DNAH14: variants seen among roughly 807,000 people sequenced by gnomAD.
DNAH14 encodes dynein axonemal heavy chain 14, also known as axonemal beta dynein heavy chain 14.
In DNAH14, 478 loss-of-function variants were observed where a neutral mutation model predicts 520.9. That is an observed-to-expected ratio of 0.92 (90% CI 0.85 to 0.99). The LOEUF is 0.99. Among genes scored for constraint, DNAH14 ranks in the 50% least tolerant of loss-of-function variants. DNAH14 has a pLI of 0.00. For missense variants in DNAH14, 4,831 were observed against 5,234.5 expected (o/e 0.92, Z 2.38); for synonymous variants, 1,581 against 1,757.2 (o/e 0.90, Z 2.51).
At chr1:224,999,260 G>A (rs2063593262) in intron 8 of DNAH14, among the ~76,000 whole-genome samples, 1 of 152,058 alleles carries the variant, frequency 6.6e-6, no homozygotes, top group South Asian at 2.1e-4. Context: ...AGGCTGGAGT[G>A]CAATGGCAAG....
rs770926326 is a variant in DNAH14, at chr1:225,140,946, A to G, written c.4433A>G (p.Tyr1478Cys). The G allele has an allele frequency of 1.3e-6, 2 of 1,551,464 alleles. No homozygotes were observed. Among genetic ancestry groups the G allele is most frequent in the Non-Finnish European group, 1.7e-6 (2 of 1,146,900 alleles). ...KAILGALLIL[Y>C]VHCRDIVINL... Reference sequence around the variant, plus strand: ...ATACTAGGGGCATTGCTTATCCTTTATGTTCACTGCAGAGATATAGTGATA... The same window carrying G: ...ATACTAGGGGCATTGCTTATCCTTTGTGTTCACTGCAGAGATATAGTGATA... Residue 1478 changes from tyrosine (Y) to cysteine (C), a missense_variant, in exon 28 of 86, where the codon TAT becomes TGT. Physicochemically the swap from Tyr to Cys is radical, Grantham distance 194. Transcript: ENST00000682510.
chr1:225,220,941 T>G (rs769891693), intron 41 of DNAH14, among the ~76,000 whole-genome samples: 1 of 152,192 alleles, frequency 6.6e-6, no homozygotes, highest in Non-Finnish European at 1.5e-5. Flanking sequence ...AGCATGGTAC[T>G]GGTACCAAAA....
In DNAH14 at chr1:225,051,763, G is replaced by A. The variant is rs1217799682; in HGVS notation, c.2392G>A (p.Val798Ile). Reference sequence around the variant, plus strand: ...TATGAGCCACACCCTCATACAATCTGTAATTGAAAAAAAGAACAAAAATTT... The same window carrying A: ...TATGAGCCACACCCTCATACAATCTATAATTGAAAAAAAGAACAAAAATTT... ...IHMSHTLIQSVIEKKNKNLLE... is the reference protein window; with the variant it reads ...IHMSHTLIQSIIEKKNKNLLE... The change falls in exon 17 of 86, where the codon GTA becomes ATA. Residue 798 changes from valine (V) to isoleucine (I), a missense_variant. Physicochemically the swap from Val to Ile is conservative, Grantham distance 29. Coordinates refer to ENST00000682510, the MANE Select transcript of DNAH14 (RefSeq NM_001367479.1). 7 of 1,496,906 alleles carry A rather than the reference G, an allele frequency of 4.7e-6. No homozygotes were observed. The South Asian group carries it at 9.2e-5, about 20-fold the overall frequency. 92.7% of individuals were successfully genotyped at this position (1,496,906 alleles called of 1,614,324 possible). A position where few individuals can be genotyped will look rare whatever the true frequency, so the allele number is the denominator to read the frequency against.
intron 60 of DNAH14, among the ~76,000 whole-genome samples, chr1:225,314,251 G>A (rs766432287): frequency 5.9e-5 from 9 of 152,140 alleles, no homozygotes; most frequent in Non-Finnish European, 1.2e-4. Context: ...TCAGAGACGA[G>A]GATTGCAATC....
intron 73 of DNAH14, among the ~76,000 whole-genome samples, chr1:225,356,775 C>T (rs189627893): frequency 6.6e-6 from 1 of 152,210 alleles, no homozygotes; most frequent in East Asian, 1.9e-4. Context: ...TACCTTTTTG[C>T]ATTGCTTGAA....
At chr1:225,170,138 A>G (rs1020560943) in intron 36 of DNAH14, among the ~76,000 whole-genome samples, 1 of 152,200 alleles carries the variant, frequency 6.6e-6, no homozygotes, top group African/African-American at 2.4e-5. Flanking sequence ...ATGGAAAGGA[A>G]CAACCAGTAC....
chr1:225,304,044 C>T (rs1180805102), intron 57 of DNAH14, among the ~76,000 whole-genome samples: 3 of 152,132 alleles, frequency 2.0e-5, no homozygotes, highest in African/African-American at 7.2e-5. Context: ...TAAAAGTGAC[C>T]AGTGACTGGT....
chr1:225,382,320 T>C (rs1391313786), intron 81 of DNAH14, among the ~76,000 whole-genome samples: 1 of 152,202 alleles, frequency 6.6e-6, no homozygotes, highest in East Asian at 1.9e-4. Flanking sequence ...TGCAGCTACT[T>C]TGGAAATAGT....
chr1:225,100,553 C>T (rs1036035364), intron 22 of DNAH14, among the ~76,000 whole-genome samples, 160 bp from the exon 23 acceptor site: 5 of 152,110 alleles, frequency 3.3e-5, no homozygotes, highest in Admixed American at 3.3e-4. Context: ...ATCACTTGTA[C>T]ATAATAGGCA....
At position 225,043,769 on chromosome 1, in the gene DNAH14, G is replaced by C. The variant is rs2067691897; in HGVS notation, c.1794G>C (p.Glu598Asp). The C allele has an allele frequency of 4.1e-6, 6 of 1,467,864 alleles. No individual in the cohort carries two copies. The highest frequency in any genetic ancestry group is 1.7e-4 in the Middle Eastern group (1 of 5,756). 90.9% of individuals were successfully genotyped at this position (1,467,864 alleles called of 1,614,324 possible). Residue 598 changes from glutamate (E) to aspartate (D), a missense_variant, in exon 14 of 86, where the codon GAG becomes GAC. By Grantham distance (45) the Glu-to-Asp change is conservative (BLOSUM62 2). Transcript: ENST00000682510. ...ACACAGAAATTGAGACTGAGTTTGAGAATAAATACATGTATTATGAGTAAG... is the reference window on the plus strand; with the variant it reads ...ACACAGAAATTGAGACTGAGTTTGACAATAAATACATGTATTATGAGTAAG... ...ISDTEIETEF[E>D]NKYMYYEFPE...
At chr1:224,947,621 T>G (rs1294557549) in intron 1 of DNAH14, among the ~76,000 whole-genome samples, 1 of 152,142 alleles carries the variant, frequency 6.6e-6, no homozygotes, top group Non-Finnish European at 1.5e-5. Flanking sequence ...TTACTTTTTC[T>G]AACTTCTTAA....
chr1:224,970,368 G>A (rs1458219285), intron 7 of DNAH14, among the ~76,000 whole-genome samples: 1 of 152,052 alleles, frequency 6.6e-6, no homozygotes, highest in Non-Finnish European at 1.5e-5. Flanking sequence ...AACTTCATTG[G>A]CAATTTTAAT....
rs533467383 is a variant in DNAH14 at position 225,196,229 on chromosome 1, C to T, written c.5886+3318C>T. Among the ~76,000 whole-genome samples, 9 of 152,154 alleles carry T rather than the reference C, an allele frequency of 5.9e-5. No homozygotes were observed. In the East Asian group the frequency reaches 1.5e-3, roughly 26 times the overall value. Reference sequence around the variant, plus strand: ...TGTGTCATTCTTATGCCTTTGCATCCTCATAGCTTAGCTCCCCCTTATAAG... The same window carrying T: ...TGTGTCATTCTTATGCCTTTGCATCTTCATAGCTTAGCTCCCCCTTATAAG... On this transcript the variant is annotated intron_variant, in intron 38 of 85. Coordinates refer to ENST00000682510, the MANE Select transcript of DNAH14 (RefSeq NM_001367479.1).
At chr1:224,952,001 T>A (rs2060210963) in intron 1 of DNAH14, among the ~76,000 whole-genome samples, 1 of 152,236 alleles carries the variant, frequency 6.6e-6, no homozygotes, top group Admixed American at 6.5e-5. Context: ...TCTTAGTTGA[T>A]TTATCTGAAG....
intron 60 of DNAH14, among the ~76,000 whole-genome samples, chr1:225,311,157 G>A (rs2094356191): frequency 6.6e-6 from 1 of 152,116 alleles, no homozygotes; most frequent in African/African-American, 2.4e-5. Context: ...GCATGAGATG[G>A]TATCTCATTG....
intron 21 of DNAH14, among the ~76,000 whole-genome samples, chr1:225,089,851 C>T (rs1206677357): frequency 2.6e-5 from 4 of 152,068 alleles, no homozygotes; most frequent in Admixed American, 2.6e-4. Flanking sequence ...CTATGAAAAA[C>T]ATTTTGTCCT....
At chr1:225,214,668 C>A (rs945664313) in intron 41 of DNAH14, among the ~76,000 whole-genome samples, 10 of 151,076 alleles carry the variant, frequency 6.6e-5, no homozygotes, top group African/African-American at 2.2e-4. Flanking sequence ...TTATTCATTT[C>A]TTCTAGATTT....
intron 43 of DNAH14, among the ~76,000 whole-genome samples, chr1:225,251,445 A>T (rs1035810514): frequency 4.6e-5 from 7 of 152,212 alleles, no homozygotes; most frequent in Non-Finnish European, 7.3e-5. Context: ...AAGTGCAGGG[A>T]TTACAGGCAT....
chr1:224,967,732 A>G (rs749337818), intron 6 of DNAH14, 149 bp downstream of exon 6: 10 of 1,551,062 alleles, frequency 6.4e-6, no homozygotes, highest in Middle Eastern at 1.8e-4. Context: ...CCTTGGGAGC[A>G]TGTTATTTAA....
Sources: allele counts gnomAD v4.1 joint callset (sites outside exome capture counted in the v4.1 genomes callset), GRCh38; gene constraint gnomAD v4.1.1; transcripts MANE v1.5; gene names NCBI Gene and HGNC (gene_info 2026-07-23, HGNC 2026-07-21).